Variants in PTPN21 observed in about 807,000 individuals in gnomAD.
PTPN21 encodes protein tyrosine phosphatase non-receptor type 21.
In PTPN21, 77 loss-of-function variants were observed where a neutral mutation model predicts 131.8. That is an observed-to-expected ratio of 0.58 (90% CI 0.49 to 0.71). PTPN21 has a LOEUF of 0.71. Among genes scored for constraint, PTPN21 ranks in the 30% least tolerant of loss-of-function variants. The pLI is 0.00. For synonymous variants in PTPN21, 715 were observed against 621.3 expected (o/e 1.15, Z -2.24); for missense variants, 1,552 against 1,527.1 (o/e 1.02, Z -0.27).
intron 10 of PTPN21, among the ~76,000 whole-genome samples, chr14:88,487,192 G>A (rs1174991239): frequency 6.6e-6 from 1 of 151,822 alleles, no homozygotes; most frequent in East Asian, 1.9e-4. Context: ...CAGTTTTACT[G>A]CAAGATCTAG....
chr14:88,521,914 C>T (rs975459913), intron 2 of PTPN21, among the ~76,000 whole-genome samples: 3 of 152,118 alleles, frequency 2.0e-5, no homozygotes, highest in Non-Finnish European at 4.4e-5. Flanking sequence ...GCTGAACAAT[C>T]TGCTAGCATT....
chr14:88,489,766 T>C (rs974367227), intron 10 of PTPN21, among the ~76,000 whole-genome samples: 1 of 152,112 alleles, frequency 6.6e-6, no homozygotes, highest in African/African-American at 2.4e-5. Flanking sequence ...ATAAATGCTC[T>C]CCTCCCAGCC....
At chr14:88,514,520 A>G (rs1170285043) in intron 3 of PTPN21, among the ~76,000 whole-genome samples, 3 of 150,442 alleles carry the variant, frequency 2.0e-5, no homozygotes, top group Non-Finnish European at 4.4e-5. Context: ...GCTGGAGTGC[A>G]GCGGTGCCAT....
chr14:88,474,139 AAAAAAAAAAAAAAAAAC>A (rs1284565587), intron 13 of PTPN21, among the ~76,000 whole-genome samples: 4 of 142,190 alleles, frequency 2.8e-5, no homozygotes, highest in African/African-American at 5.8e-5. Flanking sequence ...TCCAAAAAAA[AAAAAAAAAAAAAAAAAC>A]AAAAGCTTTA....
intron 8 of PTPN21, 31 bp downstream of exon 8, chr14:88,500,752 G>A: frequency 1.4e-6 from 2 of 1,464,610 alleles, no homozygotes; most frequent in Non-Finnish European, 1.9e-6. Flanking sequence ...AGGAGCCATA[G>A]AAAACATACA....
At chr14:88,520,189 G>A (rs1566841013) in intron 2 of PTPN21, among the ~76,000 whole-genome samples, 1 of 152,176 alleles carries the variant, frequency 6.6e-6, no homozygotes, top group East Asian at 1.9e-4. Context: ...GCTGAAGTGG[G>A]AAGATTTCTT....
At chr14:88,527,813 CTTGAG>C in intron 2 of PTPN21, among the ~76,000 whole-genome samples, 1 of 152,206 alleles carries the variant, frequency 6.6e-6, no homozygotes, top group South Asian at 2.1e-4. Context: ...TTTGATCCCA[CTTGAG>C]TTGATTTTTG....
intron 2 of PTPN21, among the ~76,000 whole-genome samples, chr14:88,523,348 TC>T (rs1453104385): frequency 7.2e-5 from 11 of 151,898 alleles, no homozygotes; most frequent in African/African-American, 2.4e-4. Context: ...ACACACATGA[TC>T]ATCTCAATTG....
At chr14:88,545,469 C>T (rs2078762716) in intron 2 of PTPN21, among the ~76,000 whole-genome samples, 2 of 152,188 alleles carry the variant, frequency 1.3e-5, no homozygotes, top group Non-Finnish European at 2.9e-5. Context: ...CCACTTGTGT[C>T]ACCACCTCCT....
chr14:88,518,386 GTATATATATA>G lies in PTPN21; in HGVS notation c.181-1135_181-1126del, dbSNP rs71126987. 3.3e-3 allele frequency among the ~76,000 whole-genome samples: 32 copies of G among 9,704 alleles called. 2 individuals carry two copies. The highest frequency in any genetic ancestry group is 8.8e-3 in the East Asian group (1 of 114). 6.4% of individuals were successfully genotyped at this position (9,704 alleles called of 152,430 possible). ...CACGTGTGTGTGTATGTGTGTGTGT[GTATATATATA>G]TATATATATATATATATATTTTTTT... On this transcript the variant is annotated intron_variant, in intron 2 of 18. Coordinates refer to ENST00000556564, the MANE Select transcript of PTPN21 (RefSeq NM_007039.4).
intron 7 of PTPN21, 55 bp from the exon 8 acceptor site, chr14:88,500,926 C>T: frequency 7.9e-7 from 1 of 1,259,874 alleles, no homozygotes; most frequent in Non-Finnish European, 1.2e-6. Flanking sequence ...AGAGGAACTG[C>T]TGCTAGAGTT....
chr14:88,508,568 A>T lies in PTPN21; in HGVS notation c.351-548T>A, dbSNP rs529794855. Among the ~76,000 whole-genome samples the T allele has an allele frequency of 4.6e-5, 7 of 152,324 alleles. No homozygotes were observed. In the South Asian group the frequency reaches 1.5e-3, roughly 32 times the overall value. On this transcript the variant is annotated intron_variant, in intron 3 of 18. Transcript: ENST00000556564. ...GTTATTTCAAAATTAAAACGATCCT[A>T]TAAGACAATTAGTCATCTGCTTCAT...
At chr14:88,474,131 C>CAAAAAAAAAAAAAAAAAAAAAAAA (rs754719071) in intron 13 of PTPN21, among the ~76,000 whole-genome samples, 1 of 46,686 alleles carries the variant, frequency 2.1e-5, no homozygotes. Context: ...AGCTGAAGTC[C>CAAAAAAAAAAAAAAAAAAAAAAAA]AAAAAAAAAA....
At chr14:88,539,515 C>A (rs775911153) in intron 2 of PTPN21, among the ~76,000 whole-genome samples, 27 of 151,538 alleles carry the variant, frequency 1.8e-4, no homozygotes, top group Non-Finnish European at 4.0e-4. Context: ...CCCGAACTGC[C>A]GGGATTACAG....
intron 2 of PTPN21, among the ~76,000 whole-genome samples, chr14:88,544,126 C>T (rs2078742245): frequency 6.6e-6 from 1 of 152,138 alleles, no homozygotes; most frequent in South Asian, 2.1e-4. Context: ...GGGTGGATCA[C>T]CTGAGGTCAG....
intron 2 of PTPN21, among the ~76,000 whole-genome samples, chr14:88,532,381 AT>A (rs1287145193): frequency 2.6e-5 from 4 of 152,194 alleles, no homozygotes; most frequent in African/African-American, 4.8e-5. Context: ...AAGAAAAAAA[AT>A]GAGCCAGAAA....
intron 2 of PTPN21, among the ~76,000 whole-genome samples, chr14:88,524,918 C>T (rs1374815102): frequency 6.6e-6 from 1 of 151,610 alleles, no homozygotes; most frequent in Non-Finnish European, 1.5e-5. Flanking sequence ...CACACATACA[C>T]ACGCACAAAA....
intron 2 of PTPN21, among the ~76,000 whole-genome samples, chr14:88,525,364 TTACA>T (rs896256418): frequency 6.6e-6 from 1 of 152,076 alleles, no homozygotes; most frequent in Non-Finnish European, 1.5e-5. Flanking sequence ...AAAATGACTC[TTACA>T]TACAGAAAGA....
intron 13 of PTPN21, among the ~76,000 whole-genome samples, chr14:88,475,303 A>T (rs946758900): frequency 1.3e-4 from 20 of 152,226 alleles, no homozygotes; most frequent in Admixed American, 1.2e-3. Flanking sequence ...GAGGAAAAAA[A>T]TCCTAAAAGA....
Sources: allele counts gnomAD v4.1 joint callset (sites outside exome capture counted in the v4.1 genomes callset), GRCh38; gene constraint gnomAD v4.1.1; transcripts MANE v1.5; gene names NCBI Gene and HGNC (gene_info 2026-07-23, HGNC 2026-07-21).